The following PCDHGA4 variants were observed in gnomAD, a reference collection of about 807,000 sequenced individuals.
PCDHGA4 encodes protocadherin gamma subfamily A, 4, also known as protocadherin gamma-A4.
Under a neutral mutation model 54.6 loss-of-function variants are expected in PCDHGA4, and 38 were observed. The ratio of observed to expected loss-of-function variants is 0.70; its 90% CI spans 0.54 to 0.91. The LOEUF (loss-of-function observed/expected upper bound fraction) is 0.91. PCDHGA4 is among the 40% of genes least tolerant of loss of function. The pLI, the probability that PCDHGA4 is intolerant of heterozygous loss-of-function variation, is 0.00. For missense variants in PCDHGA4, 1,298 were observed against 1,220.9 expected (o/e 1.06, Z -0.94); for synonymous variants, 511 against 512.9 (o/e 1.00, Z 0.05).
At position 141,487,667 on chromosome 5, in the gene PCDHGA4, ATATGGCTAGGCCATG is replaced by A; in HGVS notation, c.2515-7138_2515-7124del. 1.9e-6 allele frequency: 3 copies of A among 1,612,782 alleles called. No individual in the cohort carries two copies. In the South Asian group the frequency reaches 3.3e-5, roughly 18 times the overall value. ...GCTTGAGGGTTATTCTGATCCAGGC[ATATGGCTAGGCCATG>A]TCCTAGAGAGTACTGGCCTCTCAGT... On this transcript the variant is annotated intron_variant, in intron 1 of 3. Transcript: ENST00000571252. The surrounding 1 kb of genome is among the most constrained non-coding windows in gnomAD (Gnocchi z 5.0).
chr5:141,404,745 C>T, intron 1 of PCDHGA4: 1 of 1,613,966 alleles, frequency 6.2e-7, no homozygotes, highest in Non-Finnish European at 8.5e-7. Flanking sequence ...GACAGAGACT[C>T]AGGCCAGAAT....
At position 141,431,698 on chromosome 5, in the gene PCDHGA4, AT is replaced by A. The variant is rs2097408637; in HGVS notation, c.2515-63107del. ...GGGAGTTGGACCACGAGGAGTCAGG[AT>A]TCTACCAGATGGAAGTGCAAGCAAT... On this transcript the variant is annotated intron_variant, in intron 1 of 3. Coordinates refer to ENST00000571252, the MANE Select transcript of PCDHGA4 (RefSeq NM_018917.4). The surrounding 1 kb of genome is among the most constrained non-coding windows in gnomAD (Gnocchi z 4.8). 4.3e-6 allele frequency: 7 copies of A among 1,614,104 alleles called. 1 individual carries two copies. The South Asian group carries it at 7.7e-5, about 18-fold the overall frequency.
chr5:141,390,182 A>G (rs771358768), intron 1 of PCDHGA4: 5 of 1,613,870 alleles, frequency 3.1e-6, no homozygotes, highest in Non-Finnish European at 1.7e-6. Flanking sequence ...ATTTCCTAAA[A>G]TGTAGTGAGC....
chr5:141,359,539 T>C (rs1181475445), intron 1 of PCDHGA4, among the ~76,000 whole-genome samples: 1 of 150,972 alleles, frequency 6.6e-6, no homozygotes, highest in Non-Finnish European at 1.5e-5. Flanking sequence ...CTATAAGAAA[T>C]AAATAGGAAA....
chr5:141,478,394 G>A, intron 1 of PCDHGA4: 1 of 1,613,586 alleles, frequency 6.2e-7, no homozygotes, highest in Non-Finnish European at 8.5e-7. Context: ...TTACCATCAG[G>A]TGTATCTCAC....
rs777055762 is a variant in PCDHGA4, at chr5:141,355,482, G to T, written c.375G>T (p.Glu125Asp). 1.2e-6 allele frequency: 2 copies of T among 1,614,076 alleles called. No individual in the cohort carries two copies. Among genetic ancestry groups the T allele is most frequent in the South Asian group, 2.2e-5 (2 of 91,086 alleles). ...LVTAGRIDRE[E>D]LCDRSPNCVT... Reference sequence around the variant, plus strand: ...CCGCGGGTAGGATAGACAGGGAGGAGCTCTGCGACAGATCTCCAAACTGTG... The same window carrying T: ...CCGCGGGTAGGATAGACAGGGAGGATCTCTGCGACAGATCTCCAAACTGTG... Residue 125 changes from glutamate to aspartate, a missense_variant, in exon 1 of 4, where the codon GAG becomes GAT. Coordinates refer to ENST00000571252, the MANE Select transcript of PCDHGA4 (RefSeq NM_018917.4).
Position 141,355,041 on chromosome 5 carries a change from G to A in PCDHGA4, c.-67G>A. The A allele has an allele frequency of 9.1e-7, 1 of 1,094,768 alleles. No homozygotes were observed. Among genetic ancestry groups the A allele is most frequent in the Admixed American group, 3.2e-5 (1 of 31,234 alleles). 67.8% of individuals were successfully genotyped at this position (1,094,768 alleles called of 1,614,324 possible). On this transcript the variant is annotated 5_prime_UTR_variant, in exon 1 of 4. Transcript: ENST00000571252. ...TAATCAGAATCACAAGATTTCTGCAGCACAAAGCACTGGCTCTGGAGCTTT... is the reference window on the plus strand; with the variant it reads ...TAATCAGAATCACAAGATTTCTGCAACACAAAGCACTGGCTCTGGAGCTTT...
At chr5:141,388,351 C>T (rs1245529264) in intron 1 of PCDHGA4, 1 of 1,613,898 alleles carries the variant, frequency 6.2e-7, no homozygotes, top group African/African-American at 1.3e-5. Context: ...ATATTAGGAT[C>T]TGCCCATGAT....
intron 1 of PCDHGA4, chr5:141,427,959 C>A: frequency 1.3e-6 from 2 of 1,588,886 alleles, no homozygotes; most frequent in Non-Finnish European, 1.7e-6. Flanking sequence ...CAATGTGCCG[C>A]GGGTGCTGTA....
intron 1 of PCDHGA4, chr5:141,361,485 A>G (rs1762045132): frequency 1.9e-6 from 3 of 1,614,034 alleles, no homozygotes; most frequent in Non-Finnish European, 2.5e-6. Flanking sequence ...ATAATGCCCC[A>G]GTTTTCCAAC....
chr5:141,381,197 G>A (rs775518407), intron 1 of PCDHGA4, among the ~76,000 whole-genome samples: 1 of 152,232 alleles, frequency 6.6e-6, no homozygotes, highest in African/African-American at 2.4e-5. Context: ...CTTTCTTAGT[G>A]TTAGTTCTGG....
chr5:141,410,817 A>T, intron 1 of PCDHGA4: 1 of 524,252 alleles, frequency 1.9e-6, no homozygotes, highest in Non-Finnish European at 3.1e-6. Context: ...TTGTAAAATA[A>T]TGTCACCAGA....
rs933117526 is a variant in PCDHGA4 at position 141,355,681 on chromosome 5, G to A, written c.574G>A (p.Asp192Asn). 11 of 1,613,908 alleles carry A rather than the reference G, an allele frequency of 6.8e-6. No individual in the cohort carries two copies. Among genetic ancestry groups the A allele is most frequent in the Non-Finnish European group, 9.3e-6 (11 of 1,179,912 alleles). Residue 192 changes from aspartate to asparagine, a missense_variant, in exon 1 of 4, where the codon GAT (aspartate) becomes AAT (asparagine). Coordinates refer to ENST00000571252, the MANE Select transcript of PCDHGA4 (RefSeq NM_018917.4). ...TCCTCTTCCTGAAGCTTTTGATCCG[G>A]ATGTAGGTGTAAACTCCCTGCAGGG... ...RFPLPEAFDP[D>N]VGVNSLQGYQ... is the part of the protein sequence containing the mutation.
At chr5:141,418,655 G>A in intron 1 of PCDHGA4, 5 of 1,614,002 alleles carry the variant, frequency 3.1e-6, no homozygotes, top group Non-Finnish European at 4.2e-6. Flanking sequence ...GAGAGTGAAG[G>A]CCACTGACCA....
At position 141,357,171 on chromosome 5, in the gene PCDHGA4, C is replaced by A. The variant is rs1043830490; in HGVS notation, c.2064C>A (p.Thr688=). 6.2e-7 allele frequency: 1 copy of A among 1,613,704 alleles called. No individual in the cohort carries two copies. ...QDHGQPPLSA[T]VTLTVAVADS... ...ATGGCCAGCCCCCTCTCTCGGCCAC[C>A]GTCACACTCACTGTGGCTGTGGCCG... The change falls in exon 1 of 4, where the codon ACC becomes ACA. Residue 688 remains threonine, a synonymous_variant. Transcript: ENST00000571252.
At chr5:141,366,039 A>G (rs781015607) in intron 1 of PCDHGA4, 15 of 1,614,136 alleles carry the variant, frequency 9.3e-6, no homozygotes, top group Non-Finnish European at 1.2e-5. Context: ...CTCCCCACAG[A>G]CGGTTCCACG....
At position 141,476,591 on chromosome 5, in the gene PCDHGA4, G is replaced by C. The variant is rs200254399; in HGVS notation, c.2515-18216G>C. The C allele has an allele frequency of 6.2e-7, 1 of 1,614,230 alleles. No homozygotes were observed. Among genetic ancestry groups the C allele is most frequent in the East Asian group, 2.2e-5 (1 of 44,870 alleles). On this transcript the variant is annotated intron_variant, in intron 1 of 3. Coordinates refer to ENST00000571252, the MANE Select transcript of PCDHGA4 (RefSeq NM_018917.4). This position sits in a 1 kb window ranked among gnomAD's most constrained non-coding sequence, Gnocchi z 7.6. ...GGGGACGCGCTTTCCGCTCGAGAGCGCGCACGATCCCGATGTGGGAAGCAA... is the reference window on the plus strand; with the variant it reads ...GGGGACGCGCTTTCCGCTCGAGAGCCCGCACGATCCCGATGTGGGAAGCAA...
chr5:141,389,142 G>T (rs72790030), intron 1 of PCDHGA4: 5 of 1,613,968 alleles, frequency 3.1e-6, no homozygotes, highest in Non-Finnish European at 4.2e-6. Flanking sequence ...CAATATAACC[G>T]TTACGGCAAC....
Position 141,486,929 on chromosome 5 carries a change from G to A in PCDHGA4, c.2515-7878G>A. 2.5e-6 allele frequency: 4 copies of A among 1,614,226 alleles called. No individual in the cohort carries two copies. Among genetic ancestry groups the A allele is most frequent in the Non-Finnish European group, 2.5e-6 (3 of 1,180,038 alleles). ...CCAAGCACTGCCTCCATCAGTTGGT[G>A]CTGGCCACCTAATCACAAAGGTGAC... On this transcript the variant is annotated intron_variant, in intron 1 of 3. Transcript: ENST00000571252. This position sits in a 1 kb window ranked among gnomAD's most constrained non-coding sequence, Gnocchi z 5.0.
Sources: gnomAD v4.1 joint callset for allele counts (sites outside exome capture counted in the v4.1 genomes callset) on GRCh38, gnomAD v4.1.1 for gene constraint, Gnocchi (gnomAD v3.1) non-coding constraint, MANE v1.5 for transcripts, NCBI Gene and HGNC (gene_info 2026-07-23, HGNC 2026-07-21) for gene names.